Variants in LAPTM4B observed in about 807,000 individuals in gnomAD.
LAPTM4B encodes the protein lysosomal-associated transmembrane protein 4B.
Under a neutral mutation model 28.5 loss-of-function variants are expected in LAPTM4B, and 26 were observed. The ratio of observed to expected loss-of-function variants is 0.91; its 90% CI spans 0.67 to 1.27. LAPTM4B has a LOEUF of 1.27. Ranked by LOEUF, LAPTM4B falls within the 50% of genes most tolerant of loss-of-function variation. The pLI, the probability that LAPTM4B is intolerant of heterozygous loss-of-function variation, is 0.00. For synonymous variants in LAPTM4B, 109 were observed against 106.4 expected (o/e 1.02, Z -0.15); for missense variants, 288 against 285.8 (o/e 1.01, Z -0.06).
intron 4 of LAPTM4B, 91 bp downstream of exon 4, chr8:97,816,271 A>C: frequency 2.4e-6 from 3 of 1,255,790 alleles, no homozygotes; most frequent in Non-Finnish European, 3.3e-6. Flanking sequence ...ACAGACATTA[A>C]TTTCAGGATT....
intron 1 of LAPTM4B, among the ~76,000 whole-genome samples, chr8:97,780,379 C>G (rs1316318301): frequency 6.6e-6 from 1 of 152,026 alleles, no homozygotes; most frequent in Non-Finnish European, 1.5e-5. Context: ...GAGCTGAGAT[C>G]GTGCGATTGC....
intron 1 of LAPTM4B, among the ~76,000 whole-genome samples, chr8:97,780,050 C>CAAAAA (rs57555167): frequency 1.2e-4 from 11 of 91,876 alleles, no homozygotes; most frequent in Non-Finnish European, 2.0e-4. Context: ...GACTCTGTCT[C>CAAAAA]AAAAAAAAAA....
At chr8:97,785,841 G>A (rs569950799) in intron 1 of LAPTM4B, among the ~76,000 whole-genome samples, 1 of 152,296 alleles carries the variant, frequency 6.6e-6, no homozygotes, top group African/African-American at 2.4e-5. Flanking sequence ...GAAAGTGATT[G>A]CTGTATCGTT....
At chr8:97,825,741 A>T (rs141909087) in intron 6 of LAPTM4B, among the ~76,000 whole-genome samples, 4 of 152,390 alleles carry the variant, frequency 2.6e-5, no homozygotes, top group Admixed American at 2.0e-4. Flanking sequence ...TATGCACTTT[A>T]TGTAAATTAT....
rs918892202 is a variant in LAPTM4B at position 97,825,272 on chromosome 8, T to C, written c.603+119T>C. On this transcript the variant is annotated intron_variant, in intron 6 of 6. Transcript: ENST00000521545. ...TTACTGAAACATACTCATGAGCTGC[T>C]TAGTTATCAAAAGATTCATCTTAGT... The C allele has an allele frequency of 1.7e-5, 9 of 529,814 alleles. No individual in the cohort carries two copies. In the East Asian group the frequency reaches 2.6e-4, roughly 15 times the overall value. 32.8% of individuals were successfully genotyped at this position (529,814 alleles called of 1,614,324 possible).
intron 1 of LAPTM4B, among the ~76,000 whole-genome samples, chr8:97,790,462 C>T (rs1816481327): frequency 6.6e-6 from 1 of 151,846 alleles, no homozygotes; most frequent in Admixed American, 6.6e-5. Context: ...AAGGCACATA[C>T]CACCATGCCT....
At chr8:97,831,198 A>G (rs1464189298) in intron 6 of LAPTM4B, among the ~76,000 whole-genome samples, 1 of 152,180 alleles carries the variant, frequency 6.6e-6, no homozygotes, top group African/African-American at 2.4e-5. Context: ...GATCTGACTA[A>G]TGAAGGCTGG....
chr8:97,826,750 C>G (rs1586339080), intron 6 of LAPTM4B, among the ~76,000 whole-genome samples: 1 of 152,186 alleles, frequency 6.6e-6, no homozygotes, highest in Non-Finnish European at 1.5e-5. Flanking sequence ...TTCAGGTGAT[C>G]CACCTGCCTT....
Position 97,851,463 on chromosome 8 carries a change from G to A in LAPTM4B, c.670G>A (p.Val224Met), listed in dbSNP as rs777207562. 22 of 1,613,678 alleles carry A rather than the reference G, an allele frequency of 1.4e-5. No individual in the cohort carries two copies. The highest frequency in any genetic ancestry group is 2.2e-5 in the East Asian group (1 of 44,894). Residue 224 changes from valine to methionine, a missense_variant, in exon 7 of 7, where the codon GTG becomes ATG. Physicochemically the swap from Val to Met is conservative, Grantham distance 21 (BLOSUM62 1). Transcript: ENST00000521545. ...TGCCAAGGAGCCACCGCCACCTTAC[G>A]TGTCTGCCTAAGCCTTCAAGTGGGC... The part of the protein sequence containing the change: ...GAAKEPPPPY[V>M]SA
At chr8:97,816,812 C>T (rs760710034) in intron 4 of LAPTM4B, among the ~76,000 whole-genome samples, 33 of 152,116 alleles carry the variant, frequency 2.2e-4, no homozygotes, top group Non-Finnish European at 3.5e-4. Flanking sequence ...AGGTGGCACA[C>T]GCCTGTGACC....
chr8:97,801,458 A>T (rs928799086), intron 1 of LAPTM4B, among the ~76,000 whole-genome samples: 1 of 152,150 alleles, frequency 6.6e-6, no homozygotes, highest in Admixed American at 6.5e-5. Context: ...CTAGGATTAC[A>T]GGCCACCATG....
chr8:97,840,754 C>A (rs1360836191), intron 6 of LAPTM4B, among the ~76,000 whole-genome samples: 1 of 152,048 alleles, frequency 6.6e-6, no homozygotes, highest in Non-Finnish European at 1.5e-5. Flanking sequence ...GAAGGTTGCA[C>A]AGCGGCCGGG....
At chr8:97,792,541 C>T (rs539097600) in intron 1 of LAPTM4B, among the ~76,000 whole-genome samples, 4 of 152,184 alleles carry the variant, frequency 2.6e-5, no homozygotes, top group East Asian at 3.9e-4. Context: ...AGGTGTGAGC[C>T]GCCGTGCCTA....
chr8:97,811,332 T>C (rs939966959), intron 2 of LAPTM4B, among the ~76,000 whole-genome samples: 1 of 152,122 alleles, frequency 6.6e-6, no homozygotes, highest in Non-Finnish European at 1.5e-5. Flanking sequence ...TCGTCAGCCA[T>C]GTATAAAAAT....
At chr8:97,829,714 A>C (rs1817150437) in intron 6 of LAPTM4B, among the ~76,000 whole-genome samples, 2 of 149,900 alleles carry the variant, frequency 1.3e-5, no homozygotes, top group African/African-American at 4.9e-5. Context: ...TTTTTGAGAC[A>C]AGAGTCTTGC....
chr8:97,815,478 G>A (rs1018031565), intron 3 of LAPTM4B, 77 bp downstream of exon 3: 1 of 993,832 alleles, frequency 1.0e-6, no homozygotes, highest in Non-Finnish European at 1.6e-6. Flanking sequence ...TCTATAGTGA[G>A]AAGTGACTTT....
intron 2 of LAPTM4B, among the ~76,000 whole-genome samples, chr8:97,812,216 T>TTGTTTTTTTTTTTTTTTGA (rs1816842677): frequency 3.7e-5 from 1 of 27,334 alleles, no homozygotes. Context: ...GTTTTTTTTT[T>TTGTTTTTTTTTTTTTTTGA]GTTGTTTTTT....
intron 1 of LAPTM4B, among the ~76,000 whole-genome samples, chr8:97,784,259 G>A (rs188204136): frequency 2.1e-3 from 326 of 152,188 alleles, no homozygotes; most frequent in Non-Finnish European, 3.2e-3. Context: ...ATAGAATAAC[G>A]GACTGATTTG....
intron 2 of LAPTM4B, among the ~76,000 whole-genome samples, chr8:97,805,767 A>G (rs540063513): frequency 1.6e-3 from 251 of 152,278 alleles, no homozygotes; most frequent in African/African-American, 6.0e-3. Flanking sequence ...AGGAAGGTGA[A>G]AAGGCTTGTG....
Sources: allele counts gnomAD v4.1 joint callset (sites outside exome capture counted in the v4.1 genomes callset), GRCh38; gene constraint gnomAD v4.1.1; transcripts MANE v1.5; gene names NCBI Gene and HGNC (gene_info 2026-07-23, HGNC 2026-07-21).